The following ZNF596 variants were observed in gnomAD, a reference collection of about 807,000 sequenced individuals.
ZNF596 encodes zinc finger protein 596.
ZNF596 carries 45 observed loss-of-function variants against 48.3 expected under a neutral mutation model. That is an observed-to-expected ratio of 0.93 (90% CI 0.73 to 1.19). The LOEUF (loss-of-function observed/expected upper bound fraction) is 1.19. Among genes scored for constraint, ZNF596 ranks in the 50% most tolerant of loss-of-function variants. ZNF596 has a pLI of 0.00. For missense variants in ZNF596, 848 were observed against 599.7 expected, an observed-to-expected ratio of 1.41 and a Z score of -4.32; for synonymous variants, 270 against 202.0, an observed-to-expected ratio of 1.34 and a Z score of -2.85.
In ZNF596 at chr8:245,762, A is replaced by T; in HGVS notation, c.915A>T (p.Lys305Asn). 1.2e-6 allele frequency: 2 copies of T among 1,614,140 alleles called. No homozygotes were observed. The highest frequency in any genetic ancestry group is 1.7e-6 in the Non-Finnish European group (2 of 1,180,022). ...ATGAGAGAACTCACTTAGGAGATAA[A>T]CCATATGGATGTCTCCTATGTGGGA... ...RKHERTHLGDKPYGCLLCGKA... is the reference protein window; with the variant it reads ...RKHERTHLGDNPYGCLLCGKA... The change falls in exon 6 of 6, where the codon AAA becomes AAT. Residue 305 changes from lysine (K) to asparagine (N), a missense_variant. Transcript: ENST00000398612.
At chr8:241,514 TC>T (rs1796853487) in intron 2 of ZNF596, among the ~76,000 whole-genome samples, 1 of 152,198 alleles carries the variant, frequency 6.6e-6, no homozygotes, top group East Asian at 1.9e-4. Flanking sequence ...ATTACCCTTG[TC>T]CCCAAATTAA....
At chr8:234,771 G>A (rs1343567060) in intron 1 of ZNF596, 1 of 152,158 alleles carries the variant, frequency 6.6e-6, no homozygotes, top group African/African-American at 2.4e-5. Flanking sequence ...AACTTGTGAA[G>A]TTCCATTCGG....
intron 4 of ZNF596, 78 bp from the exon 5 acceptor site, chr8:244,541 C>T: frequency 2.1e-6 from 2 of 955,032 alleles, no homozygotes; most frequent in South Asian, 2.8e-5. Flanking sequence ...GAAACACACT[C>T]AAATGGGCTT....
chr8:246,819 TAAAAAC>T lies in ZNF596; in HGVS notation c.*459_*464del, dbSNP rs1325529986. The T allele has an allele frequency of 6.5e-6, 1 of 154,904 alleles. No homozygotes were observed. Among genetic ancestry groups the T allele is most frequent in the Non-Finnish European group, 1.4e-5 (1 of 70,002 alleles). 9.6% of individuals were successfully genotyped at this position (154,904 alleles called of 1,614,324 possible). A position where few individuals can be genotyped will look rare whatever the true frequency, so the allele number is the denominator to read the frequency against. On this transcript the variant is annotated 3_prime_UTR_variant, in exon 6 of 6. Coordinates refer to ENST00000398612, the MANE Select transcript of ZNF596 (RefSeq NM_001042416.3). ...AGAAAATTCATTATAAGGTAACTGATAAAAACAGGAAATATGTGAAAATATTTTTTA... is the reference window on the plus strand; with the variant it reads ...AGAAAATTCATTATAAGGTAACTGATAGGAAATATGTGAAAATATTTTTTA...
rs751220230 is a variant in ZNF596, at chr8:246,114, C to T, written c.1267C>T (p.Leu423=). Residue 423 remains leucine (L), a synonymous_variant, in exon 6 of 6, where the codon CTA becomes TTA. Transcript: ENST00000398612. ...HTGEKPYECH[L]CGKAFNHSSV... ...TGGAGAAAAACCATATGAATGCCAT[C>T]TATGCGGAAAAGCCTTCAATCACTC... 9 of 1,613,350 alleles carry T rather than the reference C, an allele frequency of 5.6e-6. No homozygotes were observed. Among genetic ancestry groups the T allele is most frequent in the Non-Finnish European group, 7.6e-6 (9 of 1,179,398 alleles).
At chr8:240,930 T>C in intron 2 of ZNF596, 23 bp downstream of exon 2, 1 of 1,613,972 alleles carries the variant, frequency 6.2e-7, no homozygotes, top group Non-Finnish European at 8.5e-7. Context: ...TTCTTCTTTC[T>C]ACTGAAATTT....
chr8:244,306 G>C, intron 4 of ZNF596: 1 of 307,660 alleles, frequency 3.3e-6, no homozygotes, highest in Non-Finnish European at 5.9e-6. Context: ...GTATCTCTCT[G>C]TCATTGTCTT....
Position 243,715 on chromosome 8 carries a change from A to C in ZNF596, c.140-7A>C, listed in dbSNP as rs777380990. On this transcript the variant is annotated splice_region_variant and splice_polypyrimidine_tract_variant and intron_variant, in intron 3 of 5. Transcript: ENST00000398612. ...TCAAAATCCATGTATCTTTTTCCCC[A>C]AAACAGGCAAACAGCTCTGCAAATC... 2.5e-6 allele frequency: 4 copies of C among 1,612,886 alleles called. No homozygotes were observed. Among genetic ancestry groups the C allele is most frequent in the South Asian group, 1.1e-5 (1 of 91,048 alleles).
At chr8:235,477 TG>T (rs1009397748) in intron 1 of ZNF596, among the ~76,000 whole-genome samples, 49 of 152,186 alleles carry the variant, frequency 3.2e-4, no homozygotes, top group African/African-American at 1.1e-3. Flanking sequence ...ACTGTATGTA[TG>T]TTTTTTTTTT....
chr8:238,523 G>A (rs1389728968), intron 1 of ZNF596, among the ~76,000 whole-genome samples: 1 of 151,462 alleles, frequency 6.6e-6, no homozygotes, highest in African/African-American at 2.4e-5. Flanking sequence ...GTTTCTGGCT[G>A]GGTGCGGTGG....
rs370023277 is a variant in ZNF596 at position 239,057 on chromosome 8, A to G, written c.-72-1767A>G. Among the ~76,000 whole-genome samples the G allele has an allele frequency of 1.3e-4, 20 of 152,316 alleles. No homozygotes were observed. In the East Asian group the frequency reaches 2.1e-3, roughly 16 times the overall value. ...GCTTCAAGAGCTGACTTGATCAAGCAGAAGAAAGAACCAGTGAACTCAAAG... is the reference window on the plus strand; with the variant it reads ...GCTTCAAGAGCTGACTTGATCAAGCGGAAGAAAGAACCAGTGAACTCAAAG... On this transcript the variant is annotated intron_variant, in intron 1 of 5. Transcript: ENST00000398612.
At chr8:239,320 C>T (rs1348236805) in intron 1 of ZNF596, among the ~76,000 whole-genome samples, 1 of 152,146 alleles carries the variant, frequency 6.6e-6, no homozygotes, top group Non-Finnish European at 1.5e-5. Context: ...TCCCGAATAG[C>T]TGAGATTACA....
At chr8:244,413 C>T in intron 4 of ZNF596, 2 of 544,966 alleles carry the variant, frequency 3.7e-6, no homozygotes, top group Non-Finnish European at 6.4e-6. Context: ...TTTTTCTTTC[C>T]TTCCTCGACT....
In ZNF596 at chr8:245,643, C is replaced by T. The variant is rs150205498; in HGVS notation, c.796C>T (p.Leu266Phe). ...GAAAGCCTTCAGTAAAAGTTCTAAC[C>T]TTAGACGACATGAGATGATTCACAC... Reference protein sequence around the residue: ...CGKAFSKSSNLRRHEMIHTRE... With the variant: ...CGKAFSKSSNFRRHEMIHTRE... Residue 266 changes from leucine (L) to phenylalanine (F), a missense_variant, in exon 6 of 6, where the codon CTT becomes TTT. Transcript: ENST00000398612. 1 of 1,613,892 alleles carries T rather than the reference C, an allele frequency of 6.2e-7. No individual in the cohort carries two copies. The highest frequency in any genetic ancestry group is 1.7e-5 in the Admixed American group (1 of 60,008).
At chr8:244,253 C>A in intron 4 of ZNF596, 1 of 228,312 alleles carries the variant, frequency 4.4e-6, no homozygotes. Context: ...AAACATTTCT[C>A]AGATATTGTC....
intron 1 of ZNF596, among the ~76,000 whole-genome samples, chr8:239,791 T>C (rs190715946): frequency 1.9e-3 from 282 of 152,248 alleles, no homozygotes; most frequent in African/African-American, 6.2e-3. Flanking sequence ...GCATAATTGT[T>C]ATTAACTCGA....
intron 3 of ZNF596, 90 bp downstream of exon 3, chr8:243,103 T>C: frequency 8.2e-7 from 1 of 1,222,726 alleles, no homozygotes; most frequent in Non-Finnish European, 1.1e-6. Context: ...CTACACGTGC[T>C]TAGAACAGCT....
chr8:244,513 C>A (rs943116759), intron 4 of ZNF596, 106 bp from the exon 5 acceptor site: 5 of 735,192 alleles, frequency 6.8e-6, no homozygotes, highest in Middle Eastern at 2.5e-4. Flanking sequence ...AACATTCTTT[C>A]CCTGTCTGTG....
Position 232,581 on chromosome 8 carries a change from G to T in ZNF596, c.-186G>T. ...GCCCGGAAATGCTCCGAAGCCTGTC[G>T]CCCAGCTGCCAGATCTGCGTCTGTG... On this transcript the variant is annotated 5_prime_UTR_variant, in exon 1 of 6. Coordinates refer to ENST00000398612, the MANE Select transcript of ZNF596 (RefSeq NM_001042416.3). 3.2e-6 allele frequency: 1 copy of T among 317,022 alleles called. No homozygotes were observed. The highest frequency in any genetic ancestry group is 6.5e-6 in the Non-Finnish European group (1 of 154,312). The allele number at this position is 317,022 out of a possible 1,614,324, so 19.6% of individuals were successfully genotyped here. A position where few individuals can be genotyped will look rare whatever the true frequency, so the allele number is the denominator to read the frequency against.
Sources: gnomAD v4.1 joint callset for allele counts (sites outside exome capture counted in the v4.1 genomes callset) on GRCh38, gnomAD v4.1.1 for gene constraint, MANE v1.5 for transcripts, NCBI Gene and HGNC (gene_info 2026-07-23, HGNC 2026-07-21) for gene names.